SLC35F1: variants seen among roughly 807,000 people sequenced by gnomAD.
SLC35F1 encodes the protein chromosome 6 open reading frame 169.
In SLC35F1, 14 loss-of-function variants were observed where a neutral mutation model predicts 48.7. The observed-to-expected ratio is 0.29, with a 90% CI of 0.19 to 0.45. The LOEUF (loss-of-function observed/expected upper bound fraction) is 0.45, where lower values mean the gene tolerates loss of function less well. Ranked by LOEUF, SLC35F1 falls within the 20% of genes least tolerant of loss-of-function variation. The pLI is 1.00. For missense variants in SLC35F1, 404 were observed against 500.0 expected (o/e 0.81, Z 1.83); for synonymous variants, 190 against 202.2 (o/e 0.94, Z 0.51).
chr6:118,235,365 C>G (rs1274743320), intron 2 of SLC35F1, 144 bp from the exon 3 acceptor site: 1 of 834,104 alleles, frequency 1.2e-6, no homozygotes, highest in African/African-American at 1.7e-5. Flanking sequence ...ATGTGGGTAT[C>G]TGATACGTTG....
chr6:118,188,216 G>T (rs897900052), intron 2 of SLC35F1, among the ~76,000 whole-genome samples: 1 of 152,130 alleles, frequency 6.6e-6, no homozygotes, highest in African/African-American at 2.4e-5. Context: ...CTTTCAAGTT[G>T]TCTTCATTTA....
At chr6:118,122,695 T>G (rs565453981) in intron 1 of SLC35F1, among the ~76,000 whole-genome samples, 9 of 152,168 alleles carry the variant, frequency 5.9e-5, no homozygotes, top group Middle Eastern at 6.3e-3. Context: ...CATTCCCTCA[T>G]GAAGGAACTA....
chr6:118,229,215 T>C (rs1489827820), intron 2 of SLC35F1, among the ~76,000 whole-genome samples: 1 of 152,144 alleles, frequency 6.6e-6, no homozygotes, highest in Non-Finnish European at 1.5e-5. Flanking sequence ...CATATGACGA[T>C]TATTTTTGTA....
At chr6:118,246,204 C>T (rs961522853) in intron 3 of SLC35F1, among the ~76,000 whole-genome samples, 2 of 151,924 alleles carry the variant, frequency 1.3e-5, no homozygotes, top group Admixed American at 1.3e-4. Flanking sequence ...CCTTATTTCT[C>T]CAGGATTTCC....
intron 7 of SLC35F1, among the ~76,000 whole-genome samples, chr6:118,307,437 CT>C (rs72149753): frequency 9.3e-5 from 14 of 150,728 alleles, no homozygotes; most frequent in South Asian, 4.2e-4. Flanking sequence ...AGATTTAGTC[CT>C]TTTTTTTTCC....
rs56260960 is a variant in SLC35F1, at chr6:118,305,311, A to G, written c.1003-8717A>G. ...GGGTGAGGCTCACCCCACCCACATT[A>G]TGGAAAGTGATCTGTTTTACTCAAA... On this transcript the variant is annotated intron_variant, in intron 7 of 7. Transcript: ENST00000360388. Among the ~76,000 whole-genome samples, 774 of 151,638 alleles carry G rather than the reference A, an allele frequency of 5.1e-3. 2 individuals carry two copies. Among genetic ancestry groups the G allele is most frequent in the Non-Finnish European group, 9.4e-3 (638 of 67,922 alleles).
At chr6:118,292,994 GA>G (rs1776143278) in intron 7 of SLC35F1, among the ~76,000 whole-genome samples, 2 of 152,166 alleles carry the variant, frequency 1.3e-5, no homozygotes, top group South Asian at 4.1e-4. Flanking sequence ...CACAGGAAAT[GA>G]GCTTGACTGG....
intron 3 of SLC35F1, among the ~76,000 whole-genome samples, chr6:118,255,773 T>C (rs1775635329): frequency 6.6e-6 from 1 of 152,182 alleles, no homozygotes; most frequent in Non-Finnish European, 1.5e-5. Context: ...AAAAATAGGG[T>C]ATTTCCTGGA....
chr6:118,064,611 TGGG>T (rs1772587499), intron 1 of SLC35F1, among the ~76,000 whole-genome samples: 1 of 152,142 alleles, frequency 6.6e-6, no homozygotes, highest in Non-Finnish European at 1.5e-5. Context: ...CTGTTTCTAT[TGGG>T]AAGTCTCAGA....
chr6:118,038,696 A>G (rs1278988738), intron 1 of SLC35F1, among the ~76,000 whole-genome samples: 2 of 152,070 alleles, frequency 1.3e-5, no homozygotes, highest in African/African-American at 4.8e-5. Context: ...ATCTTGGCTC[A>G]CTGCAACCTC....
intron 1 of SLC35F1, among the ~76,000 whole-genome samples, chr6:118,097,954 T>C (rs1049781758): frequency 6.6e-6 from 1 of 152,184 alleles, no homozygotes; most frequent in African/African-American, 2.4e-5. Flanking sequence ...TAAAAATAAG[T>C]CGATGGCTGT....
chr6:118,028,002 G>A (rs1056775201), intron 1 of SLC35F1, among the ~76,000 whole-genome samples: 1 of 152,038 alleles, frequency 6.6e-6, no homozygotes, highest in Non-Finnish European at 1.5e-5. Flanking sequence ...CTTAGGAGTT[G>A]CATTTAGGCC....
intron 6 of SLC35F1, among the ~76,000 whole-genome samples, chr6:118,280,672 G>A (rs924111544): frequency 2.6e-5 from 4 of 152,160 alleles, no homozygotes; most frequent in African/African-American, 9.6e-5. Context: ...GAAGCCAGGG[G>A]TTCAAGACCA....
intron 1 of SLC35F1, among the ~76,000 whole-genome samples, chr6:117,954,484 C>T (rs954569792): frequency 1.3e-5 from 2 of 152,168 alleles, no homozygotes; most frequent in African/African-American, 4.8e-5. Context: ...GTCTTGAACT[C>T]CTGACATCAG....
intron 3 of SLC35F1, among the ~76,000 whole-genome samples, chr6:118,261,563 G>GGGGATTT (rs1247393758): frequency 6.6e-6 from 1 of 152,198 alleles, no homozygotes; most frequent in African/African-American, 2.4e-5. Context: ...CACAGGGGCT[G>GGGGATTT]GGGCTTTGGG....
In SLC35F1 at chr6:118,145,351, G is replaced by C. The variant is rs1260594371; in HGVS notation, c.174-9094G>C. ...ACTTTGCTTTACTTATGTGGATCTG[G>C]TTAAAGGATTTTGCAGTTTTATCAG... On this transcript the variant is annotated intron_variant, in intron 1 of 7. Coordinates refer to ENST00000360388, the MANE Select transcript of SLC35F1 (RefSeq NM_001029858.4). Among the ~76,000 whole-genome samples the C allele has an allele frequency of 2.0e-5, 3 of 152,174 alleles. No homozygotes were observed. In the South Asian group the frequency reaches 6.2e-4, roughly 32 times the overall value.
intron 1 of SLC35F1, among the ~76,000 whole-genome samples, chr6:117,939,971 A>C (rs1776208381): frequency 6.6e-6 from 1 of 152,310 alleles, no homozygotes; most frequent in Admixed American, 6.5e-5. Flanking sequence ...GCATGACTTC[A>C]GTTGTCTTCA....
At chr6:117,987,964 A>G (rs1776868600) in intron 1 of SLC35F1, among the ~76,000 whole-genome samples, 1 of 152,200 alleles carries the variant, frequency 6.6e-6, no homozygotes, top group African/African-American at 2.4e-5. Context: ...ATGTGCAGTT[A>G]GAGCCCAACA....
intron 4 of SLC35F1, among the ~76,000 whole-genome samples, chr6:118,273,873 C>A (rs1775888082): frequency 6.6e-6 from 1 of 152,198 alleles, no homozygotes; most frequent in Non-Finnish European, 1.5e-5. Flanking sequence ...ATGCTGCCTT[C>A]AGGATCTCTT....
Sources: gnomAD v4.1 joint callset for allele counts (sites outside exome capture counted in the v4.1 genomes callset) on GRCh38, gnomAD v4.1.1 for gene constraint, MANE v1.5 for transcripts, NCBI Gene and HGNC (gene_info 2026-07-23, HGNC 2026-07-21) for gene names.